Variants in GPC6 observed in about 807,000 individuals in gnomAD.
The protein encoded by GPC6 is glypican 6.
A neutral mutation model predicts 55.2 loss-of-function variants in GPC6; 14 were observed. The observed-to-expected ratio is 0.25, with a 90% CI of 0.17 to 0.40. GPC6 has a LOEUF of 0.40. GPC6 is among the 10% of genes least tolerant of loss of function. The probability of loss-of-function intolerance (pLI) is 1.00; values close to 1 mark genes in which losing one functional copy is unlikely to be tolerated. For synonymous variants in GPC6, 278 were observed against 259.6 expected (o/e 1.07, Z -0.68); for missense variants, 641 against 708.5 (o/e 0.90, Z 1.08).
At chr13:93,910,061 TTGTG>T (rs113288409) in intron 3 of GPC6, among the ~76,000 whole-genome samples, 2 of 150,138 alleles carry the variant, frequency 1.3e-5, no homozygotes, top group Non-Finnish European at 3.0e-5. Context: ...GCTCGTGTGT[TTGTG>T]TGTGTGTGTG....
intron 3 of GPC6, among the ~76,000 whole-genome samples, chr13:93,998,386 A>G (rs986852120): frequency 5.9e-5 from 9 of 152,262 alleles, no homozygotes; most frequent in African/African-American, 1.7e-4. Flanking sequence ...GGTTCTTGCA[A>G]ACCAATATGC....
chr13:93,958,653 G>A (rs1455657574), intron 3 of GPC6, among the ~76,000 whole-genome samples: 1 of 152,020 alleles, frequency 6.6e-6, no homozygotes, highest in Non-Finnish European at 1.5e-5. Context: ...TGTTCTTTTT[G>A]CTTGGGGTTG....
chr13:94,381,350 G>C (rs35933275), intron 6 of GPC6, among the ~76,000 whole-genome samples: 8,519 of 152,178 alleles, frequency 0.056, 398 homozygotes, highest in East Asian at 0.21. Flanking sequence ...GTGTCGGCGG[G>C]GTTGGGTCCT....
intron 6 of GPC6, among the ~76,000 whole-genome samples, chr13:94,354,667 T>A (rs1169295161): frequency 6.6e-6 from 1 of 152,326 alleles, no homozygotes; most frequent in African/African-American, 2.4e-5. Context: ...GCTGAATGAA[T>A]CGATATGCAA....
intron 1 of GPC6, among the ~76,000 whole-genome samples, chr13:93,230,140 A>C (rs1423388893): frequency 2.0e-5 from 3 of 152,124 alleles, no homozygotes; most frequent in East Asian, 1.9e-4. Context: ...AGGGCACATA[A>C]ATTTAAAAGA....
chr13:93,467,388 G>A (rs372665071), intron 1 of GPC6, among the ~76,000 whole-genome samples: 2 of 152,104 alleles, frequency 1.3e-5, no homozygotes, highest in Admixed American at 6.6e-5. Flanking sequence ...GGGTGGTCCT[G>A]AAAGCTATGT....
chr13:94,319,075 A>G (rs560204928), intron 6 of GPC6, among the ~76,000 whole-genome samples: 1 of 152,284 alleles, frequency 6.6e-6, no homozygotes, highest in South Asian at 2.1e-4. Flanking sequence ...TAAATGTACT[A>G]GAAATATTGA....
intron 3 of GPC6, among the ~76,000 whole-genome samples, chr13:93,874,597 A>G (rs1889231265): frequency 6.7e-6 from 1 of 149,832 alleles, no homozygotes; most frequent in Non-Finnish European, 1.5e-5. Context: ...AGGGCATACC[A>G]GATCCTACCT....
intron 4 of GPC6, among the ~76,000 whole-genome samples, chr13:94,232,446 T>C (rs903565627): frequency 6.6e-6 from 1 of 152,166 alleles, no homozygotes; most frequent in Non-Finnish European, 1.5e-5. Context: ...GAGACAGTGA[T>C]TGCTTTAGAT....
intron 7 of GPC6, among the ~76,000 whole-genome samples, chr13:94,388,124 C>T (rs1181047794): frequency 6.6e-6 from 1 of 152,106 alleles, no homozygotes; most frequent in Non-Finnish European, 1.5e-5. Flanking sequence ...AAAAAGGATT[C>T]GTTGTTCACC....
At chr13:93,575,120 C>A (rs113053268) in intron 2 of GPC6, among the ~76,000 whole-genome samples, 2 of 152,028 alleles carry the variant, frequency 1.3e-5, no homozygotes, top group African/African-American at 4.8e-5. Flanking sequence ...ACGGCGAAAC[C>A]CTGTCTCTAC....
At chr13:93,754,768 C>G (rs968653452) in intron 2 of GPC6, among the ~76,000 whole-genome samples, 2 of 151,732 alleles carry the variant, frequency 1.3e-5, no homozygotes, top group Admixed American at 6.6e-5. Flanking sequence ...TAATTGCATT[C>G]CTATTTAGAT....
At chr13:93,732,419 CAATGAGACCCCTGGGAGCGCTG>C (rs1883859023) in intron 2 of GPC6, among the ~76,000 whole-genome samples, 1 of 152,068 alleles carries the variant, frequency 6.6e-6, no homozygotes, top group Non-Finnish European at 1.5e-5. Flanking sequence ...AAAAGACAAG[CAATGAGACCCCTGGGAGCGCTG>C]AAATGAGAAA....
intron 2 of GPC6, among the ~76,000 whole-genome samples, chr13:93,809,326 A>C (rs1594475691): frequency 6.6e-6 from 1 of 152,198 alleles, no homozygotes; most frequent in East Asian, 1.9e-4. Context: ...AAATGTGATT[A>C]GTGGGTTAAT....
intron 3 of GPC6, among the ~76,000 whole-genome samples, chr13:93,902,298 T>C (rs889305339): frequency 1.3e-5 from 2 of 152,162 alleles, no homozygotes; most frequent in African/African-American, 4.8e-5. Context: ...AGTGAGATCA[T>C]GTGACATTTG....
chr13:93,314,638 T>G (rs1322573452), intron 1 of GPC6, among the ~76,000 whole-genome samples: 7 of 151,776 alleles, frequency 4.6e-5, no homozygotes, highest in African/African-American at 1.7e-4. Context: ...TGCATGAGCA[T>G]AACTGCAGCA....
intron 4 of GPC6, among the ~76,000 whole-genome samples, chr13:94,189,140 T>A (rs1889300050): frequency 6.6e-6 from 1 of 152,184 alleles, no homozygotes; most frequent in African/African-American, 2.4e-5. Flanking sequence ...GGAAACTGCT[T>A]ACTCAATTTC....
chr13:93,356,287 G>A (rs564628460), intron 1 of GPC6, among the ~76,000 whole-genome samples: 3 of 152,214 alleles, frequency 2.0e-5, no homozygotes, highest in Admixed American at 6.5e-5. Context: ...TCTGAGATAC[G>A]ACACACTTAT....
At chr13:93,841,665 C>T (rs1887960567) in intron 3 of GPC6, among the ~76,000 whole-genome samples, 1 of 152,120 alleles carries the variant, frequency 6.6e-6, no homozygotes, top group African/African-American at 2.4e-5. Context: ...GTAGATACTG[C>T]CAAGTTAACA....
Sources: gnomAD v4.1 joint callset for allele counts (sites outside exome capture counted in the v4.1 genomes callset) on GRCh38, gnomAD v4.1.1 for gene constraint, MANE v1.5 for transcripts, NCBI Gene and HGNC (gene_info 2026-07-23, HGNC 2026-07-21) for gene names.